FAM107A: variants seen among roughly 807,000 people sequenced by gnomAD.
FAM107A encodes the protein family with sequence similarity 107 member A.
FAM107A carries 19 observed loss-of-function variants against 13.7 expected under a neutral mutation model. The observed-to-expected ratio is 1.38, with a 90% CI of 0.97 to 2.03. The LOEUF is 2.03. Ranked by LOEUF, FAM107A falls within the 30% of genes most tolerant of loss-of-function variation. The pLI, the probability that FAM107A is intolerant of heterozygous loss-of-function variation, is 0.00. For synonymous variants in FAM107A, 82 were observed against 74.5 expected (o/e 1.10, Z -0.52); for missense variants, 203 against 184.4 (o/e 1.10, Z -0.58).
chr3:58,611,856 A>C (rs1241500609), intron 1 of FAM107A, among the ~76,000 whole-genome samples: 1 of 152,228 alleles, frequency 6.6e-6, no homozygotes, highest in Non-Finnish European at 1.5e-5. Flanking sequence ...CATAGTAATT[A>C]CTAACTAAAT....
intron 1 of FAM107A, among the ~76,000 whole-genome samples, chr3:58,625,479 C>T (rs1420835794): frequency 1.3e-5 from 2 of 152,200 alleles, no homozygotes; most frequent in Non-Finnish European, 1.5e-5. Flanking sequence ...CCCTGCTTCA[C>T]CTTTGACATC....
chr3:58,621,645 A>G (rs780733476), intron 1 of FAM107A, among the ~76,000 whole-genome samples: 1 of 152,172 alleles, frequency 6.6e-6, no homozygotes, highest in Non-Finnish European at 1.5e-5. Context: ...AGTGGGTGCT[A>G]TTTTTATCCC....
At chr3:58,584,703 C>T (rs1203362897) in intron 1 of FAM107A, among the ~76,000 whole-genome samples, 1 of 152,162 alleles carries the variant, frequency 6.6e-6, no homozygotes, top group Non-Finnish European at 1.5e-5. Flanking sequence ...GACACTTCGG[C>T]GATGACAGGA....
chr3:58,603,754 T>G (rs558876191), intron 1 of FAM107A, among the ~76,000 whole-genome samples: 1 of 152,196 alleles, frequency 6.6e-6, no homozygotes, highest in South Asian at 2.1e-4. Context: ...CATGGGTGAT[T>G]GTCTGAGAAG....
At chr3:58,609,367 G>A (rs981598301) in intron 1 of FAM107A, 4 of 152,078 alleles carry the variant, frequency 2.6e-5, no homozygotes, top group Non-Finnish European at 5.9e-5. Flanking sequence ...GTAGAAAGTG[G>A]AAAAAAATAC....
intron 1 of FAM107A, among the ~76,000 whole-genome samples, chr3:58,602,693 A>G (rs2065762762): frequency 6.6e-6 from 1 of 152,238 alleles, no homozygotes; most frequent in Non-Finnish European, 1.5e-5. Context: ...TAAGTGAAAA[A>G]AACAGGTTAC....
At chr3:58,580,249 T>C (rs1275411225), upstream of FAM107A, among the ~76,000 whole-genome samples, 1 of 151,784 alleles carries the variant, frequency 6.6e-6, no homozygotes, top group Non-Finnish European at 1.5e-5. Flanking sequence ...AAAAAGTTGG[T>C]ATATGTATAA....
At chr3:58,616,859 C>A (rs893766986) in intron 1 of FAM107A, among the ~76,000 whole-genome samples, 1 of 152,116 alleles carries the variant, frequency 6.6e-6, no homozygotes, top group Non-Finnish European at 1.5e-5. Context: ...CTGCAAGCTC[C>A]GCCTCCCGGG....
At chr3:58,570,429 A>G (rs924587059) in intron 1 of FAM107A, 32 of 956,648 alleles carry the variant, frequency 3.3e-5, no homozygotes, top group Non-Finnish European at 3.7e-5. Context: ...TGTCCCTAAT[A>G]GCAAAGGGAT....
intron 1 of FAM107A, among the ~76,000 whole-genome samples, chr3:58,583,620 C>A (rs79505125): frequency 1.4e-5 from 2 of 147,316 alleles, no homozygotes; most frequent in African/African-American, 2.5e-5. Context: ...AAAACTCTGT[C>A]AAAAAAAAAA....
In FAM107A at chr3:58,595,138, C is replaced by G. The variant is rs368009365; in HGVS notation, c.-69-5869G>C. ...TCCCACTCTAGGTTCCCACACCCCC[C>G]CAGTCCCACTCGAAGCAGCCCTGAG... On this transcript the variant is annotated intron_variant, in intron 1 of 3. Coordinates refer to the FAM107A transcript ENST00000465970. 1.6e-3 allele frequency among the ~76,000 whole-genome samples: 244 copies of G among 152,244 alleles called. 1 individual carries two copies. Among genetic ancestry groups the G allele is most frequent in the African/African-American group, 5.0e-3 (208 of 41,538 alleles).
intron 1 of FAM107A, among the ~76,000 whole-genome samples, chr3:58,609,892 C>T (rs971008084): frequency 6.6e-6 from 1 of 152,206 alleles, no homozygotes; most frequent in African/African-American, 2.4e-5. Flanking sequence ...GGGCAGGAGG[C>T]AGCTGTTCTC....
chr3:58,590,102 A>G (rs531372095), upstream of FAM107A, among the ~76,000 whole-genome samples: 16 of 152,176 alleles, frequency 1.1e-4, no homozygotes, highest in South Asian at 2.1e-4. Flanking sequence ...TTCAATCTTG[A>G]CTGTGCTTCT....
At position 58,613,703 on chromosome 3, in the gene FAM107A, C is replaced by T. The variant is rs1263888022; in HGVS notation, c.-70+13713G>A. Among the ~76,000 whole-genome samples, 1 of 152,168 alleles carries T rather than the reference C, an allele frequency of 6.6e-6. No individual in the cohort carries two copies. Among genetic ancestry groups the T allele is most frequent in the African/African-American group, 2.4e-5 (1 of 41,440 alleles). ...TATTCCCCTCCCTAGGATTGGGTAC[C>T]CTAGGGCCATATCTCCCAGGGAGAG... On this transcript the variant is annotated intron_variant, in intron 1 of 3. Coordinates refer to the FAM107A transcript ENST00000465970. This position sits in a 1 kb window ranked among gnomAD's most constrained non-coding sequence, Gnocchi z 4.6.
Position 58,595,504 on chromosome 3 carries a change from A to T in FAM107A, c.-69-6235T>A, listed in dbSNP as rs368332283. On this transcript the variant is annotated intron_variant, in intron 1 of 3. Transcript: ENST00000465970. ...TAATGTATATTCCCTTGCCCTTAAG[A>T]AGGTATGTTGTAATAGTCTCCCCGC... 3.9e-4 allele frequency among the ~76,000 whole-genome samples: 59 copies of T among 152,238 alleles called. 2 individuals are homozygous for T. In the South Asian group the frequency reaches 0.012, roughly 31 times the overall value.
chr3:58,592,452 T>C lies in FAM107A; in HGVS notation c.-69-3183A>G, dbSNP rs186477496. Among the ~76,000 whole-genome samples the C allele has an allele frequency of 9.8e-3, 1,489 of 152,300 alleles. 23 individuals carry two copies. The highest frequency in any genetic ancestry group is 0.048 in the South Asian group (231 of 4,826). On this transcript the variant is annotated intron_variant, in intron 1 of 3. Transcript: ENST00000465970. ...GTCAGGAAACTAAAATACCTCTTGG[T>C]CTAGATAGACACTTTCACTGGATAG...
At chr3:58,599,354 A>C (rs2065733549) in intron 1 of FAM107A, among the ~76,000 whole-genome samples, 1 of 152,234 alleles carries the variant, frequency 6.6e-6, no homozygotes. Context: ...TGGAAATGCT[A>C]GACCAGGAAG....
upstream of FAM107A, among the ~76,000 whole-genome samples, chr3:58,591,480 T>C (rs1042935091): frequency 6.6e-6 from 1 of 152,100 alleles, no homozygotes; most frequent in Admixed American, 6.5e-5. This position sits in a 1 kb window ranked among gnomAD's most constrained non-coding sequence, Gnocchi z 4.3. Flanking sequence ...AGAAGGTCAG[T>C]GAGGAGACAG....
rs117930772 is a variant in FAM107A at position 58,602,433 on chromosome 3, T to C, written c.-69-13164A>G. On this transcript the variant is annotated intron_variant, in intron 1 of 3. Coordinates refer to the FAM107A transcript ENST00000465970. ...GAAAGCCCTACAAACCAGGCAGATA[T>C]CTGTGCTTTTCCATTTCTAAGAATT... 6.6e-5 allele frequency among the ~76,000 whole-genome samples: 10 copies of C among 152,316 alleles called. No individual in the cohort carries two copies. The East Asian group carries it at 1.7e-3, about 26-fold the overall frequency.
Sources: gnomAD v4.1 joint callset for allele counts (sites outside exome capture counted in the v4.1 genomes callset) on GRCh38, gnomAD v4.1.1 for gene constraint, Gnocchi (gnomAD v3.1) non-coding constraint, MANE v1.5 for transcripts, NCBI Gene and HGNC (gene_info 2026-07-23, HGNC 2026-07-21) for gene names.